Variants in DMD observed in about 807,000 individuals in gnomAD.
DMD encodes dystrophin, also known as mutant dystrophin.
DMD carries 63 observed loss-of-function variants against 330.1 expected under a neutral mutation model. The ratio of observed to expected loss-of-function variants is 0.19; its 90% CI spans 0.16 to 0.24. The LOEUF (loss-of-function observed/expected upper bound fraction) is 0.24. Ranked by LOEUF, DMD falls within the 10% of genes least tolerant of loss-of-function variation. The pLI, the probability that DMD is intolerant of heterozygous loss-of-function variation, is 1.00. For synonymous variants in DMD, 1,223 were observed against 959.8 expected (o/e 1.27, Z -5.07); for missense variants, 3,344 against 2,684.1 (o/e 1.25, Z -5.43).
rs374467304 is a variant in DMD at position 32,205,035 on chromosome X, ACACACACC to A, written c.6438+11873_6438+11880del. On this transcript the variant is annotated intron_variant, in intron 44 of 78. Coordinates refer to ENST00000357033, the MANE Select transcript of DMD (RefSeq NM_004006.3). ...TACACACACACACACACACACACAC[ACACACACC>A]CACACACACACAGTCGCAATTAAAA... Among the ~76,000 whole-genome samples, 318 of 86,426 alleles carry A rather than the reference ACACACACC, an allele frequency of 3.7e-3. 3 individuals are homozygous for A. The highest frequency in any genetic ancestry group is 9.8e-3 in the African/African-American group (222 of 22,570). The allele number at this position is 86,426 out of a possible 115,157, so 75.1% of individuals were successfully genotyped here. A position where few individuals can be genotyped will look rare whatever the true frequency, so the allele number is the denominator to read the frequency against.
chrX:31,850,274 C>G (rs59314308), intron 48 of DMD, among the ~76,000 whole-genome samples: 13,289 of 112,002 alleles, frequency 0.12, 613 homozygotes, highest in East Asian at 0.22. Flanking sequence ...AAAAAACCTA[C>G]ACTTTGTAAA....
chrX:32,262,919 C>A (rs1453584049), intron 43 of DMD, among the ~76,000 whole-genome samples: 1 of 111,607 alleles, frequency 9.0e-6, no homozygotes, highest in African/African-American at 3.3e-5. Flanking sequence ...TAAGATCTTC[C>A]ATTTCACTGC....
Position 31,335,740 on chromosome X carries a change from T to A in DMD, c.9164-12082A>T, listed in dbSNP as rs189907345. Among the ~76,000 whole-genome samples, 5 of 112,537 alleles carry A rather than the reference T, an allele frequency of 4.4e-5. No homozygotes were observed. In the East Asian group the frequency reaches 1.4e-3, roughly 31 times the overall value. On this transcript the variant is annotated intron_variant, in intron 61 of 78. Coordinates refer to ENST00000357033, the MANE Select transcript of DMD (RefSeq NM_004006.3). ...CCCAGTGACTGTAATGGGCCTATTATAATACCTTTTTCTTAGATGCTTCTA... is the reference window on the plus strand; with the variant it reads ...CCCAGTGACTGTAATGGGCCTATTAAAATACCTTTTTCTTAGATGCTTCTA...
At chrX:31,228,192 C>T (rs1280725355) in intron 63 of DMD, among the ~76,000 whole-genome samples, 10 of 102,093 alleles carry the variant, frequency 9.8e-5, no homozygotes, top group Non-Finnish European at 1.6e-4. Context: ...ACCAGCATGG[C>T]ACATGTATAC....
intron 61 of DMD, among the ~76,000 whole-genome samples, chrX:31,343,924 C>T (rs774597092): frequency 9.3e-6 from 1 of 107,882 alleles, no homozygotes; most frequent in Admixed American, 1.0e-4. Context: ...GGGGAAGCTG[C>T]TTTTATAGTA....
chrX:31,866,839 A>G (rs970296021), intron 48 of DMD, among the ~76,000 whole-genome samples: 4 of 111,597 alleles, frequency 3.6e-5, no homozygotes, highest in African/African-American at 1.3e-4. Context: ...AAGGTATAGG[A>G]CAAAATCTGA....
chrX:31,453,780 A>AAAAAAAAAAAAAAC (rs1569543806), intron 59 of DMD, among the ~76,000 whole-genome samples: 8 of 104,360 alleles, frequency 7.7e-5, no homozygotes, highest in African/African-American at 1.0e-4. Flanking sequence ...AAAAAAAAAA[A>AAAAAAAAAAAAAAC]AAAAAAAAAA....
chrX:32,450,854 T>C (rs1312419789), intron 26 of DMD, among the ~76,000 whole-genome samples: 1 of 111,013 alleles, frequency 9.0e-6, no homozygotes, highest in Non-Finnish European at 1.9e-5. Flanking sequence ...TTAGACTTCA[T>C]ATATTCTTGG....
chrX:31,597,232 G>A (rs2077151912), intron 55 of DMD, among the ~76,000 whole-genome samples: 1 of 111,347 alleles, frequency 9.0e-6, no homozygotes, highest in South Asian at 3.7e-4. Flanking sequence ...TTAAAAATAC[G>A]GTTTTTAAAA....
chrX:32,567,818 C>CAA, intron 15 of DMD, among the ~76,000 whole-genome samples: 1 of 111,863 alleles, frequency 8.9e-6, no homozygotes, highest in Non-Finnish European at 1.9e-5. Flanking sequence ...AAGCTGAGAG[C>CAA]CATATTTGAA....
intron 11 of DMD, among the ~76,000 whole-genome samples, chrX:32,636,175 C>G (rs1250037751): frequency 8.9e-6 from 1 of 112,032 alleles, no homozygotes; most frequent in East Asian, 2.8e-4. Context: ...CTCCTCTTTA[C>G]AGCACCTTCT....
At chrX:31,810,996 A>G (rs1282804417) in intron 50 of DMD, among the ~76,000 whole-genome samples, 3 of 111,959 alleles carry the variant, frequency 2.7e-5, no homozygotes, top group Non-Finnish European at 5.6e-5. Flanking sequence ...GGACATAGGT[A>G]ATCAAAAAAT....
chrX:32,069,341 A>G (rs1665713011), intron 44 of DMD, among the ~76,000 whole-genome samples: 1 of 111,906 alleles, frequency 8.9e-6, no homozygotes, highest in South Asian at 3.7e-4. Flanking sequence ...TCTTTAGAAA[A>G]AAGGAAGAAT....
At chrX:31,733,176 T>C (rs1371408737) in intron 51 of DMD, among the ~76,000 whole-genome samples, 1 of 111,505 alleles carries the variant, frequency 9.0e-6, no homozygotes, top group African/African-American at 3.3e-5. Flanking sequence ...AAGTCTTTAA[T>C]CTCACTAAGT....
At chrX:31,224,630 C>A (rs2046402434) in intron 63 of DMD, among the ~76,000 whole-genome samples, 1 of 107,726 alleles carries the variant, frequency 9.3e-6, no homozygotes, top group Non-Finnish European at 1.9e-5. Context: ...CTCAAATATT[C>A]TTTTCCTGGA....
chrX:31,694,893 A>G (rs1218337382), intron 52 of DMD, among the ~76,000 whole-genome samples: 1 of 109,215 alleles, frequency 9.2e-6, no homozygotes, highest in Admixed American at 9.9e-5. Context: ...GAGAATGACC[A>G]TATGTTCCAG....
At chrX:33,066,319 C>T (rs1325367967) in intron 1 of DMD, among the ~76,000 whole-genome samples, 2 of 106,717 alleles carry the variant, frequency 1.9e-5, no homozygotes, top group Admixed American at 2.0e-4. Context: ...CCTGGTGGTG[C>T]GCGCCTGTAA....
chrX:31,242,700 A>ATGTGTATGTGTG (rs2048457515), intron 63 of DMD, among the ~76,000 whole-genome samples: 2 of 95,096 alleles, frequency 2.1e-5, no homozygotes, highest in Non-Finnish European at 4.2e-5. Context: ...ACAATAAGAT[A>ATGTGTATGTGTG]TGTGTGTGTG....
At chrX:32,832,641 A>G (rs2079246899) in intron 4 of DMD, among the ~76,000 whole-genome samples, 1 of 111,911 alleles carries the variant, frequency 8.9e-6, no homozygotes. Flanking sequence ...TTTTAAAAAG[A>G]TAAAAAATAC....
Sources: allele counts gnomAD v4.1 joint callset (sites outside exome capture counted in the v4.1 genomes callset), GRCh38; gene constraint gnomAD v4.1.1; transcripts MANE v1.5; gene names NCBI Gene and HGNC (gene_info 2026-07-23, HGNC 2026-07-21).